The following MINDY4 variants were observed in gnomAD, a reference collection of about 807,000 sequenced individuals.
MINDY4 encodes MINDY lysine 48 deubiquitinase 4.
Under a neutral mutation model 87.0 loss-of-function variants are expected in MINDY4, and 68 were observed. That is an observed-to-expected ratio of 0.78 (90% CI 0.64 to 0.96). The LOEUF (loss-of-function observed/expected upper bound fraction) is 0.96. MINDY4 is among the 40% of genes least tolerant of loss of function. The pLI is 0.00. For synonymous variants in MINDY4, 379 were observed against 363.2 expected (o/e 1.04, Z -0.50); for missense variants, 919 against 928.2 (o/e 0.99, Z 0.13).
At chr7:30,890,517 A>C (rs560065915) in intron 17 of MINDY4, among the ~76,000 whole-genome samples, 81 of 152,364 alleles carry the variant, frequency 5.3e-4, no homozygotes, top group Non-Finnish European at 9.6e-4. Context: ...AATGACAAGA[A>C]ATCTTTCTGC....
chr7:30,793,751 A>G (rs1448130773), intron 5 of MINDY4, among the ~76,000 whole-genome samples: 1 of 152,146 alleles, frequency 6.6e-6, no homozygotes, highest in East Asian at 1.9e-4. Context: ...TCTAAGAGGA[A>G]AAAGGGTAAA....
chr7:30,807,602 A>G (rs1178231150), intron 5 of MINDY4, among the ~76,000 whole-genome samples: 1 of 152,210 alleles, frequency 6.6e-6, no homozygotes, highest in Non-Finnish European at 1.5e-5. Flanking sequence ...AAAAACTAAA[A>G]GGCAGAAATG....
intron 5 of MINDY4, among the ~76,000 whole-genome samples, chr7:30,820,587 A>G (rs1001284786): frequency 6.6e-6 from 1 of 152,196 alleles, no homozygotes; most frequent in African/African-American, 2.4e-5. Context: ...GCGGAATCAT[A>G]TAATATATAA....
intron 15 of MINDY4, among the ~76,000 whole-genome samples, chr7:30,880,692 C>T (rs1018008520): frequency 3.9e-5 from 6 of 152,152 alleles, no homozygotes; most frequent in East Asian, 1.9e-4. Flanking sequence ...GGTTTAGGCA[C>T]GTCCAGCCAC....
At chr7:30,832,142 T>A (rs1488174102) in intron 6 of MINDY4, among the ~76,000 whole-genome samples, 1 of 152,212 alleles carries the variant, frequency 6.6e-6, no homozygotes, top group Non-Finnish European at 1.5e-5. Context: ...TGGCCTATGC[T>A]CCATTGGCGT....
At chr7:30,866,555 T>C (rs1363225499) in intron 13 of MINDY4, among the ~76,000 whole-genome samples, 1 of 152,050 alleles carries the variant, frequency 6.6e-6, no homozygotes, top group Admixed American at 6.6e-5. Flanking sequence ...GCAAGACCAG[T>C]GTGTGAAAAG....
chr7:30,848,189 C>T lies in MINDY4; in HGVS notation c.1446-2265C>T, dbSNP rs184823245. 1.8e-3 allele frequency among the ~76,000 whole-genome samples: 276 copies of T among 152,298 alleles called. 2 individuals carry two copies. In the Middle Eastern group the frequency reaches 0.02, roughly 11 times the overall value. On this transcript the variant is annotated intron_variant, in intron 9 of 17. Transcript: ENST00000265299. Reference sequence around the variant, plus strand: ...GCTTAGGTGTTCTAGGCAGAAAGTACACTCCAGGCACGATTTTGTGTAACG... The same window carrying T: ...GCTTAGGTGTTCTAGGCAGAAAGTATACTCCAGGCACGATTTTGTGTAACG...
At chr7:30,827,147 T>C (rs1259248662) in intron 5 of MINDY4, among the ~76,000 whole-genome samples, 4 of 152,060 alleles carry the variant, frequency 2.6e-5, no homozygotes, top group East Asian at 1.9e-4. Flanking sequence ...AGAGATGTTA[T>C]TGGATGCAGG....
chr7:30,804,676 G>A (rs1348936954), intron 5 of MINDY4, among the ~76,000 whole-genome samples: 2 of 152,312 alleles, frequency 1.3e-5, no homozygotes, highest in Non-Finnish European at 2.9e-5. Context: ...AGCTTTGGAT[G>A]TATTACTTCA....
chr7:30,892,301 G>T lies in MINDY4; in HGVS notation c.*296G>T. 2.4e-6 allele frequency: 1 copy of T among 408,522 alleles called. No homozygotes were observed. Among genetic ancestry groups the T allele is most frequent in the Non-Finnish European group, 4.4e-6 (1 of 226,390 alleles). 25.3% of individuals were successfully genotyped at this position (408,522 alleles called of 1,614,324 possible). On this transcript the variant is annotated 3_prime_UTR_variant, in exon 18 of 18. Coordinates refer to ENST00000265299, the MANE Select transcript of MINDY4 (RefSeq NM_032222.3). ...ATCCCTCCCTTGCTCCCTGCTGGGT[G>T]GTCCCTCACCCAGGCCTCCAATGTG...
At chr7:30,820,062 C>T (rs574487169) in intron 5 of MINDY4, among the ~76,000 whole-genome samples, 190 of 150,860 alleles carry the variant, frequency 1.3e-3, no homozygotes, top group African/African-American at 4.1e-3. Flanking sequence ...CCACTACGCC[C>T]GGCTAATTTT....
At chr7:30,854,035 C>T (rs1789498025) in intron 12 of MINDY4, among the ~76,000 whole-genome samples, 1 of 152,264 alleles carries the variant, frequency 6.6e-6, no homozygotes, top group Non-Finnish European at 1.5e-5. Flanking sequence ...CTGGGCGGGA[C>T]GTGGCCAGGG....
chr7:30,790,960 C>T (rs957185680), intron 4 of MINDY4, among the ~76,000 whole-genome samples: 9 of 152,216 alleles, frequency 5.9e-5, no homozygotes, highest in South Asian at 2.1e-4. Context: ...TTCCAGCAGG[C>T]GGGGTGTGCA....
At chr7:30,792,799 A>G (rs1231950663) in intron 5 of MINDY4, among the ~76,000 whole-genome samples, 4 of 152,048 alleles carry the variant, frequency 2.6e-5, no homozygotes, top group South Asian at 4.1e-4. Flanking sequence ...ACTCAAAGAA[A>G]ACTTTTGGCT....
At chr7:30,864,448 C>CT (rs1484378452) in intron 13 of MINDY4, among the ~76,000 whole-genome samples, 2 of 152,242 alleles carry the variant, frequency 1.3e-5, no homozygotes, top group African/African-American at 4.8e-5. Context: ...GAAGCCCAGG[C>CT]TTTAAGAGGG....
chr7:30,777,615 C>T lies in MINDY4; in HGVS notation c.64-817C>T, dbSNP rs551700069. On this transcript the variant is annotated intron_variant, in intron 1 of 17. Coordinates refer to ENST00000265299, the MANE Select transcript of MINDY4 (RefSeq NM_032222.3). ...GCTAGAGCCTCTGTAAAATTCTGAA[C>T]ACAAAGGCTCTGGGAGAGGCTGAAG... 2.5e-4 allele frequency among the ~76,000 whole-genome samples: 38 copies of T among 152,244 alleles called. No homozygotes were observed. In the South Asian group the frequency reaches 7.7e-3, roughly 31 times the overall value.
At chr7:30,820,059 G>A (rs187174703) in intron 5 of MINDY4, among the ~76,000 whole-genome samples, 14,797 of 150,328 alleles carry the variant, frequency 0.098, 1,126 homozygotes, top group African/African-American at 0.2. Context: ...CCGCCACTAC[G>A]CCCGGCTAAT....
At chr7:30,814,088 G>C (rs1008373311) in intron 5 of MINDY4, among the ~76,000 whole-genome samples, 1 of 152,190 alleles carries the variant, frequency 6.6e-6, no homozygotes, top group African/African-American at 2.4e-5. Context: ...CCAGCGTCAG[G>C]TTCAGAAGCA....
chr7:30,784,490 C>T (rs553852994), intron 3 of MINDY4, among the ~76,000 whole-genome samples: 124 of 152,316 alleles, frequency 8.1e-4, no homozygotes, highest in African/African-American at 2.7e-3. Context: ...CCCTCAAATC[C>T]GCCCTTGCCC....
Sources: gnomAD v4.1 joint callset for allele counts (sites outside exome capture counted in the v4.1 genomes callset) on GRCh38, gnomAD v4.1.1 for gene constraint, MANE v1.5 for transcripts, NCBI Gene and HGNC (gene_info 2026-07-23, HGNC 2026-07-21) for gene names.